The following VPS13B variants were observed in gnomAD, a reference collection of about 807,000 sequenced individuals.
The protein encoded by VPS13B is vacuolar protein sorting 13 homolog B.
Under a neutral mutation model 426.4 loss-of-function variants are expected in VPS13B, and 285 were observed. The observed-to-expected ratio is 0.67, with a 90% CI of 0.61 to 0.74. VPS13B has a LOEUF of 0.74. Among genes scored for constraint, VPS13B ranks in the 30% least tolerant of loss-of-function variants. The pLI is 0.00. For synonymous variants in VPS13B, 1,676 were observed against 1,676.4 expected (o/e 1.00, Z 0.01); for missense variants, 4,537 against 4,782.6 (o/e 0.95, Z 1.51).
At chr8:99,591,821 T>C (rs1287018374) in intron 33 of VPS13B, among the ~76,000 whole-genome samples, 1 of 152,112 alleles carries the variant, frequency 6.6e-6, no homozygotes, top group East Asian at 1.9e-4. Flanking sequence ...AATCTCACAA[T>C]TATGTTTCTT....
chr8:99,758,245 T>A (rs1810742774), intron 39 of VPS13B, among the ~76,000 whole-genome samples: 1 of 152,160 alleles, frequency 6.6e-6, no homozygotes, highest in African/African-American at 2.4e-5. Flanking sequence ...TAAGACCACA[T>A]TAGGTTTTTA....
At chr8:99,308,601 C>T (rs1360623019) in intron 19 of VPS13B, among the ~76,000 whole-genome samples, 4 of 152,060 alleles carry the variant, frequency 2.6e-5, no homozygotes, top group Non-Finnish European at 4.4e-5. Flanking sequence ...TGGGTTGGTT[C>T]CAAGTCTTTG....
intron 33 of VPS13B, among the ~76,000 whole-genome samples, chr8:99,635,442 T>C (rs1283107962): frequency 6.6e-6 from 1 of 151,980 alleles, no homozygotes; most frequent in Non-Finnish European, 1.5e-5. Context: ...ACGGCTATTA[T>C]ATTACCATAA....
chr8:99,255,802 G>A (rs1817716088), intron 17 of VPS13B, among the ~76,000 whole-genome samples: 1 of 152,026 alleles, frequency 6.6e-6, no homozygotes, highest in East Asian at 1.9e-4. Flanking sequence ...TAAAATTTTT[G>A]ACTCTCCACT....
intron 31 of VPS13B, among the ~76,000 whole-genome samples, chr8:99,574,533 G>A (rs746587832): frequency 2.6e-5 from 4 of 152,236 alleles, no homozygotes; most frequent in Middle Eastern, 3.4e-3. Context: ...TTTGTCAAAG[G>A]CCTTTTCTGC....
intron 21 of VPS13B, among the ~76,000 whole-genome samples, chr8:99,427,789 T>G (rs1392427931): frequency 6.6e-6 from 1 of 151,822 alleles, no homozygotes; most frequent in Non-Finnish European, 1.5e-5. Flanking sequence ...AAAACTACTT[T>G]AAAGTTCATA....
chr8:99,465,174 T>C (rs963914760), intron 23 of VPS13B, among the ~76,000 whole-genome samples: 6 of 152,102 alleles, frequency 3.9e-5, no homozygotes, highest in African/African-American at 1.4e-4. Flanking sequence ...TTTTATGGAG[T>C]GCCCAGAACA....
At chr8:99,515,426 CCTG>C (rs1396088910) in intron 29 of VPS13B, among the ~76,000 whole-genome samples, 2 of 150,926 alleles carry the variant, frequency 1.3e-5, no homozygotes, top group Non-Finnish European at 3.0e-5. Flanking sequence ...TCCTCCTCCT[CCTG>C]CTGCTGCTGC....
intron 25 of VPS13B, among the ~76,000 whole-genome samples, chr8:99,497,391 T>C (rs796665632): frequency 2.1e-5 from 3 of 146,170 alleles, no homozygotes; most frequent in Admixed American, 1.4e-4. Context: ...AATATAAAAA[T>C]ATATTTATGT....
chr8:99,874,682 T>G (rs1179204315), intron 61 of VPS13B, among the ~76,000 whole-genome samples: 1 of 152,154 alleles, frequency 6.6e-6, no homozygotes, highest in Admixed American at 6.6e-5. Context: ...GAAGAATTTA[T>G]AGCTTCAGCT....
At chr8:99,839,183 A>C (rs1815546625) in intron 54 of VPS13B, among the ~76,000 whole-genome samples, 1 of 152,226 alleles carries the variant, frequency 6.6e-6, no homozygotes, top group African/African-American at 2.4e-5. Context: ...GAAAAGATCC[A>C]GTAAATTCTC....
intron 33 of VPS13B, among the ~76,000 whole-genome samples, chr8:99,616,427 G>T (rs144430376): frequency 3.2e-4 from 49 of 152,326 alleles, no homozygotes; most frequent in Middle Eastern, 3.4e-3. Flanking sequence ...GGTATCTCAA[G>T]ACGTTTAAGA....
intron 17 of VPS13B, among the ~76,000 whole-genome samples, chr8:99,249,632 C>A (rs1219151842): frequency 2.6e-5 from 4 of 151,908 alleles, no homozygotes; most frequent in Non-Finnish European, 5.9e-5. Context: ...ACTGTGTTAG[C>A]CAGGATGGTC....
chr8:99,510,963 T>C, intron 28 of VPS13B, 141 bp from the exon 29 acceptor site: 1 of 874,890 alleles, frequency 1.1e-6, no homozygotes, highest in Non-Finnish European at 1.8e-6. Flanking sequence ...ATCTGCAGAA[T>C]TGATCAGTCA....
At chr8:99,586,699 A>C (rs1442282055) in intron 33 of VPS13B, among the ~76,000 whole-genome samples, 1 of 152,178 alleles carries the variant, frequency 6.6e-6, no homozygotes, top group East Asian at 1.9e-4. Context: ...ACAACAAATG[A>C]AGAAACAGTC....
intron 14 of VPS13B, among the ~76,000 whole-genome samples, chr8:99,148,750 G>A (rs1001176084): frequency 2.0e-5 from 3 of 152,216 alleles, no homozygotes; most frequent in Admixed American, 1.3e-4. Flanking sequence ...GTCAGTAATG[G>A]TGCCAGCTCC....
intron 19 of VPS13B, among the ~76,000 whole-genome samples, chr8:99,309,350 A>G (rs1367145832): frequency 1.3e-5 from 2 of 152,170 alleles, no homozygotes; most frequent in Non-Finnish European, 2.9e-5. Context: ...TCGTGAATTA[A>G]TTTTTGTATA....
chr8:99,532,240 T>G (rs1240664952), intron 30 of VPS13B, among the ~76,000 whole-genome samples: 1 of 152,176 alleles, frequency 6.6e-6, no homozygotes. Flanking sequence ...TCAACCGTTT[T>G]ACATTTTTTT....
rs73273219 is a variant in VPS13B, at chr8:99,875,524, T to C, written c.11852T>C (p.Ile3951Thr). 165 of 1,614,052 alleles carry C rather than the reference T, an allele frequency of 1.0e-4. No homozygotes were observed. In the African/African-American group the frequency reaches 2.0e-3, roughly 20 times the overall value. ...GCCCCCAGCTGTTCTTCCATGCAAA[T>C]ACCATGCCCTGTGGTGGCTGCAGAA... Reference protein sequence around the residue: ...HLAPSCSSMQIPCPVVAAEPP... With the variant: ...HLAPSCSSMQTPCPVVAAEPP... Residue 3951 changes from isoleucine (I) to threonine (T), a missense_variant, in exon 62 of 62, where the codon ATA (isoleucine) becomes ACA (threonine). Physicochemically the swap from Ile to Thr is moderately conservative, Grantham distance 89 (BLOSUM62 -1). Transcript: ENST00000357162.
Sources: allele counts gnomAD v4.1 joint callset (sites outside exome capture counted in the v4.1 genomes callset), GRCh38; gene constraint gnomAD v4.1.1; transcripts MANE v1.5; gene names NCBI Gene and HGNC (gene_info 2026-07-23, HGNC 2026-07-21).